The following SUZ12 variants were observed in gnomAD, a reference collection of about 807,000 sequenced individuals.
SUZ12 encodes SUZ12 polycomb repressive complex 2 subunit.
A neutral mutation model predicts 87.3 loss-of-function variants in SUZ12; 17 were observed. The ratio of observed to expected loss-of-function variants is 0.19; its 90% CI spans 0.13 to 0.29. The LOEUF is 0.29. Among genes scored for constraint, SUZ12 ranks in the 10% least tolerant of loss-of-function variants. The pLI is 1.00. For missense variants in SUZ12, 526 were observed against 912.2 expected, an observed-to-expected ratio of 0.58 and a Z score of 5.45; for synonymous variants, 253 against 312.4, an observed-to-expected ratio of 0.81 and a Z score of 2.01.
chr17:31,978,959 A>G (rs1300542428), intron 8 of SUZ12, among the ~76,000 whole-genome samples: 1 of 151,998 alleles, frequency 6.6e-6, no homozygotes, highest in Non-Finnish European at 1.5e-5. Context: ...TACAAAAATT[A>G]GCTGGGCCTG....
chr17:31,986,067 C>T (rs866738455), intron 9 of SUZ12, among the ~76,000 whole-genome samples: 1 of 152,086 alleles, frequency 6.6e-6, no homozygotes, highest in Non-Finnish European at 1.5e-5. Flanking sequence ...CTCCTGGGTT[C>T]AAGCAATTCT....
intron 9 of SUZ12, among the ~76,000 whole-genome samples, chr17:31,987,760 G>A (rs945033811): frequency 6.6e-6 from 1 of 151,958 alleles, no homozygotes; most frequent in Non-Finnish European, 1.5e-5. Flanking sequence ...ATGAAACCCC[G>A]TCTCTACTAA....
At position 31,988,529 on chromosome 17, in the gene SUZ12, T is replaced by G. The variant is rs772572183; in HGVS notation, c.1201+32T>G. On this transcript the variant is annotated intron_variant, in intron 10 of 15. Transcript: ENST00000322652. ...AAACATTGCAATCAAAATAATAAAA[T>G]AATGGTTTGCAGAGTTAGGTCTTGT... 4 of 1,563,214 alleles carry G rather than the reference T, an allele frequency of 2.6e-6. No homozygotes were observed. The Admixed American group carries it at 8.1e-5, about 32-fold the overall frequency.
At chr17:31,992,564 CATGCCCAGCTAAT>C (rs1190648153) in intron 10 of SUZ12, among the ~76,000 whole-genome samples, 1 of 152,032 alleles carries the variant, frequency 6.6e-6, no homozygotes, top group Non-Finnish European at 1.5e-5. Flanking sequence ...TGCCCACCAC[CATGCCCAGCTAAT>C]TTTTTTGTAT....
At chr17:31,959,690 T>G (rs1461969358) in intron 4 of SUZ12, among the ~76,000 whole-genome samples, 2 of 152,346 alleles carry the variant, frequency 1.3e-5, no homozygotes, top group African/African-American at 2.4e-5. Context: ...TTAGAGGCAC[T>G]AATCTTGGTC....
At chr17:31,952,387 T>C (rs562641352) in intron 4 of SUZ12, among the ~76,000 whole-genome samples, 11 of 152,148 alleles carry the variant, frequency 7.2e-5, no homozygotes, top group Non-Finnish European at 1.5e-4. Flanking sequence ...AGGTCTGATA[T>C]AATGCCTTAC....
intron 6 of SUZ12, 75 bp from the exon 7 acceptor site, chr17:31,975,405 CTG>C: frequency 9.8e-7 from 1 of 1,016,898 alleles, no homozygotes; most frequent in Non-Finnish European, 1.4e-6. Flanking sequence ...TTTCCTATAG[CTG>C]TGATTAGAAG....
At chr17:31,955,660 A>G (rs963117793) in intron 4 of SUZ12, among the ~76,000 whole-genome samples, 4 of 151,906 alleles carry the variant, frequency 2.6e-5, no homozygotes, top group South Asian at 2.1e-4. Flanking sequence ...AGGCAGGAGA[A>G]TCGCTTAAAC....
At position 32,000,131 on chromosome 17, in the gene SUZ12, T is replaced by A. The variant is rs1241376207; in HGVS notation, c.*1128T>A. The A allele has an allele frequency of 4.3e-6, 1 of 233,250 alleles. No individual in the cohort carries two copies. The highest frequency in any genetic ancestry group is 2.2e-5 in the African/African-American group (1 of 45,346). 14.4% of individuals were successfully genotyped at this position (233,250 alleles called of 1,614,324 possible). On this transcript the variant is annotated 3_prime_UTR_variant, in exon 16 of 16. Coordinates refer to ENST00000322652, the MANE Select transcript of SUZ12 (RefSeq NM_015355.4). Reference sequence around the variant, plus strand: ...ATTAACAAGCACCAATAGGTTTTTATTCCAACTCCGAGCACTGTGGTTGAG... The same window carrying A: ...ATTAACAAGCACCAATAGGTTTTTAATCCAACTCCGAGCACTGTGGTTGAG...
At chr17:31,991,388 G>T (rs2142210527) in intron 10 of SUZ12, among the ~76,000 whole-genome samples, 1 of 151,730 alleles carries the variant, frequency 6.6e-6, no homozygotes, top group East Asian at 1.9e-4. Flanking sequence ...GAAATGGCTT[G>T]TGTCAGGGGA....
At chr17:31,985,907 C>T (rs891368016) in intron 9 of SUZ12, among the ~76,000 whole-genome samples, 9 of 152,042 alleles carry the variant, frequency 5.9e-5, no homozygotes, top group Non-Finnish European at 1.3e-4. Flanking sequence ...GTGATCCACC[C>T]GCCTCGGCCT....
intron 5 of SUZ12, 139 bp downstream of exon 5, chr17:31,966,335 T>C: frequency 1.3e-6 from 1 of 787,320 alleles, no homozygotes; most frequent in Non-Finnish European, 2.0e-6. Context: ...TTTTGAACTT[T>C]AAGGTATGAA....
chr17:31,980,011 T>TAG (rs55882925), intron 8 of SUZ12, among the ~76,000 whole-genome samples: 25,612 of 145,890 alleles, frequency 0.18, 2,305 homozygotes, highest in African/African-American at 0.21. Flanking sequence ...TATATATGTA[T>TAG]AGAGAGAGAG....
At chr17:31,944,264 G>A (rs1906481455) in intron 3 of SUZ12, among the ~76,000 whole-genome samples, 2 of 151,952 alleles carry the variant, frequency 1.3e-5, no homozygotes, top group African/African-American at 4.8e-5. Flanking sequence ...GAGTAGCTGG[G>A]ATTACAGGCA....
chr17:31,961,648 T>C (rs1470934172), intron 4 of SUZ12, among the ~76,000 whole-genome samples: 1 of 152,246 alleles, frequency 6.6e-6, no homozygotes, highest in East Asian at 1.9e-4. Context: ...GATCATTTTG[T>C]TTATTTGTTA....
At chr17:31,987,912 C>G (rs1440015240) in intron 9 of SUZ12, among the ~76,000 whole-genome samples, 1 of 151,450 alleles carries the variant, frequency 6.6e-6, no homozygotes, top group African/African-American at 2.4e-5. Flanking sequence ...GCACACTAGC[C>G]TGGGCGACAA....
At chr17:31,990,967 A>C (rs1038607258) in intron 10 of SUZ12, among the ~76,000 whole-genome samples, 2 of 152,014 alleles carry the variant, frequency 1.3e-5, no homozygotes, top group Non-Finnish European at 2.9e-5. Flanking sequence ...TGCTGGTCTC[A>C]AACTCCTGAG....
chr17:31,975,405 C>G lies in SUZ12; in HGVS notation c.592-77C>G, dbSNP rs555043660. On this transcript the variant is annotated intron_variant, in intron 6 of 15. Transcript: ENST00000322652. Reference sequence around the variant, plus strand: ...GGCCTATCTCCCGTGTTTCCTATAGCTGTGATTAGAAGTTTTATTATAATT... The same window carrying G: ...GGCCTATCTCCCGTGTTTCCTATAGGTGTGATTAGAAGTTTTATTATAATT... The G allele has an allele frequency of 1.7e-5, 17 of 1,016,898 alleles. No individual in the cohort carries two copies. In the African/African-American group the frequency reaches 1.8e-4, roughly 11 times the overall value. The allele number at this position is 1,016,898 out of a possible 1,614,324, so 63.0% of individuals were successfully genotyped here.
chr17:31,953,012 A>G (rs922473319), intron 4 of SUZ12, among the ~76,000 whole-genome samples: 2 of 152,170 alleles, frequency 1.3e-5, no homozygotes, highest in Non-Finnish European at 2.9e-5. Flanking sequence ...TCTTGCCCTT[A>G]TTCCTCTTCT....
Sources: gnomAD v4.1 joint callset for allele counts (sites outside exome capture counted in the v4.1 genomes callset) on GRCh38, gnomAD v4.1.1 for gene constraint, MANE v1.5 for transcripts, NCBI Gene and HGNC (gene_info 2026-07-23, HGNC 2026-07-21) for gene names.